Variants in MLLT3 observed in about 807,000 individuals in gnomAD.
MLLT3 encodes the protein protein AF-9.
In MLLT3, 4 loss-of-function variants were observed where a neutral mutation model predicts 53.2. That is an observed-to-expected ratio of 0.08 (90% CI 0.04 to 0.17). The LOEUF is 0.17. MLLT3 is among the 10% of genes least tolerant of loss of function. The pLI is 1.00. For synonymous variants in MLLT3, 283 were observed against 230.6 expected, an observed-to-expected ratio of 1.23 and a Z score of -2.06; for missense variants, 569 against 684.0, an observed-to-expected ratio of 0.83 and a Z score of 1.87.
In MLLT3 at chr9:20,621,108, GT is replaced by G; in HGVS notation, c.13-275del. Reference sequence around the variant, plus strand: ...AATGTTATCCCCAGTCGGGAAGGGGGTCGGGGAAAAGAGGGAGAACACACTC... The same window carrying G: ...AATGTTATCCCCAGTCGGGAAGGGGGCGGGGAAAAGAGGGAGAACACACTC... On this transcript the variant is annotated intron_variant, in intron 1 of 10. Transcript: ENST00000380338. The surrounding 1 kb of genome is among the most constrained non-coding windows in gnomAD (Gnocchi z 7.0). 1 of 583,084 alleles carries G rather than the reference GT, an allele frequency of 1.7e-6. No individual in the cohort carries two copies. The highest frequency in any genetic ancestry group is 3.1e-6 in the Non-Finnish European group (1 of 322,784). 36.1% of individuals were successfully genotyped at this position (583,084 alleles called of 1,614,324 possible).
In MLLT3 at chr9:20,529,518, C is replaced by T. The variant is rs1159226355; in HGVS notation, c.194-72732G>A. On this transcript the variant is annotated intron_variant, in intron 2 of 10. Transcript: ENST00000380338. ...AAATGTCTAGTTCATAAAAAGGAAC[C>T]GCCAGTTAGTTCATTTAATTGACCT... 3.9e-5 allele frequency among the ~76,000 whole-genome samples: 6 copies of T among 151,994 alleles called. No individual in the cohort carries two copies. In the East Asian group the frequency reaches 7.7e-4, roughly 19 times the overall value.
In MLLT3 at chr9:20,569,349, C is replaced by G. The variant is rs150078046; in HGVS notation, c.193+51305G>C. Among the ~76,000 whole-genome samples, 246 of 152,122 alleles carry G rather than the reference C, an allele frequency of 1.6e-3. 2 individuals carry two copies. Among genetic ancestry groups the G allele is most frequent in the African/African-American group, 5.6e-3 (234 of 41,506 alleles). ...AGTAGGCAAAAACTGTTTTCGAGAC[C>G]CAGAAAGCCTCCATGGGTTACTGCA... On this transcript the variant is annotated intron_variant, in intron 2 of 10. Coordinates refer to ENST00000380338, the MANE Select transcript of MLLT3 (RefSeq NM_004529.4).
intron 10 of MLLT3, among the ~76,000 whole-genome samples, chr9:20,351,938 C>A (rs545273404): frequency 6.6e-6 from 1 of 152,214 alleles, no homozygotes; most frequent in African/African-American, 2.4e-5. Context: ...AGCTTTCAAC[C>A]GGCCTGGGAA....
intron 5 of MLLT3, among the ~76,000 whole-genome samples, chr9:20,369,637 C>G (rs1012121026): frequency 1.3e-5 from 2 of 152,122 alleles, no homozygotes; most frequent in Non-Finnish European, 1.5e-5. Context: ...TCATCAAGCC[C>G]AACCAACAGA....
intron 2 of MLLT3, among the ~76,000 whole-genome samples, chr9:20,523,180 CA>C: frequency 6.6e-6 from 1 of 152,300 alleles, no homozygotes; most frequent in East Asian, 1.9e-4. Context: ...TATTTCTACA[CA>C]CCTATTAGAA....
intron 5 of MLLT3, among the ~76,000 whole-genome samples, chr9:20,374,161 T>C (rs890458762): frequency 3.9e-5 from 6 of 152,170 alleles, no homozygotes; most frequent in African/African-American, 1.2e-4. Flanking sequence ...GGCAGGAAGA[T>C]TGTTTGAAGC....
At chr9:20,486,196 A>G (rs917791020) in intron 2 of MLLT3, among the ~76,000 whole-genome samples, 2 of 152,298 alleles carry the variant, frequency 1.3e-5, no homozygotes, top group African/African-American at 2.4e-5. Context: ...ACAAAAACAT[A>G]TAACCAGAAA....
At chr9:20,501,297 A>G (rs1825218445) in intron 2 of MLLT3, among the ~76,000 whole-genome samples, 1 of 152,214 alleles carries the variant, frequency 6.6e-6, no homozygotes, top group South Asian at 2.1e-4. Context: ...CTGAATACAT[A>G]CCAGGCCTTC....
chr9:20,416,468 T>C (rs911850699), intron 4 of MLLT3, among the ~76,000 whole-genome samples: 1 of 152,106 alleles, frequency 6.6e-6, no homozygotes, highest in Non-Finnish European at 1.5e-5. Context: ...CCTTCCATGA[T>C]ATATTTTTAA....
At chr9:20,574,130 C>A (rs916959431) in intron 2 of MLLT3, among the ~76,000 whole-genome samples, 2 of 152,138 alleles carry the variant, frequency 1.3e-5, no homozygotes, top group East Asian at 3.9e-4. Flanking sequence ...TCAGTAAGTT[C>A]AAGATAATGT....
At chr9:20,429,566 A>C (rs1177149474) in intron 4 of MLLT3, among the ~76,000 whole-genome samples, 1 of 152,148 alleles carries the variant, frequency 6.6e-6, no homozygotes, top group African/African-American at 2.4e-5. Flanking sequence ...AAAGGAAAAA[A>C]ATCTAATAGA....
chr9:20,481,149 C>T (rs1423924456), intron 2 of MLLT3, among the ~76,000 whole-genome samples: 2 of 152,150 alleles, frequency 1.3e-5, no homozygotes, highest in East Asian at 3.9e-4. Context: ...TATTGCCAGT[C>T]CCACTAAAGC....
In MLLT3 at chr9:20,448,278, C is replaced by T. The variant is rs373516753; in HGVS notation, c.277-12G>A. ...TTCCTAGGTTCTTCCTGGAGGTTAA[C>T]AAAAATTATGAAAGAAAAAAGAGAG... On this transcript the variant is annotated splice_polypyrimidine_tract_variant and intron_variant, in intron 3 of 10. Coordinates refer to ENST00000380338, the MANE Select transcript of MLLT3 (RefSeq NM_004529.4). The surrounding 1 kb of genome is among the most constrained non-coding windows in gnomAD (Gnocchi z 4.0). 3.1e-6 allele frequency: 5 copies of T among 1,591,696 alleles called. No individual in the cohort carries two copies. Among genetic ancestry groups the T allele is most frequent in the African/African-American group, 2.7e-5 (2 of 73,368 alleles).
chr9:20,469,352 C>T (rs548290515), intron 2 of MLLT3, among the ~76,000 whole-genome samples: 4 of 152,140 alleles, frequency 2.6e-5, no homozygotes, highest in African/African-American at 9.6e-5. Context: ...AGGCATAGCA[C>T]GTTATGTAAA....
intron 2 of MLLT3, among the ~76,000 whole-genome samples, chr9:20,506,275 A>C (rs1825378290): frequency 6.6e-6 from 1 of 152,112 alleles, no homozygotes; most frequent in African/African-American, 2.4e-5. Flanking sequence ...TTCTGAGCTC[A>C]GGAGATCCGC....
intron 2 of MLLT3, among the ~76,000 whole-genome samples, chr9:20,472,159 G>C (rs1206202787): frequency 6.6e-6 from 1 of 151,876 alleles, no homozygotes; most frequent in Non-Finnish European, 1.5e-5. Flanking sequence ...TTGTTTTTAT[G>C]TTAAAACCCA....
At chr9:20,459,353 C>T (rs1399181006) in intron 2 of MLLT3, among the ~76,000 whole-genome samples, 2 of 152,154 alleles carry the variant, frequency 1.3e-5, no homozygotes, top group Non-Finnish European at 2.9e-5. Flanking sequence ...ATTCACTGAC[C>T]ACCTGTCAAC....
intron 3 of MLLT3, 24 bp downstream of exon 3, chr9:20,456,680 G>C: frequency 1.3e-6 from 2 of 1,531,986 alleles, no homozygotes; most frequent in Non-Finnish European, 1.8e-6. Context: ...TCTACTGAAA[G>C]ATTAATGGGT....
intron 2 of MLLT3, among the ~76,000 whole-genome samples, chr9:20,545,669 G>A (rs746870404): frequency 2.8e-4 from 42 of 151,978 alleles, no homozygotes; most frequent in Admixed American, 1.6e-3. Context: ...ATCTTTAACC[G>A]TATTAGATTT....
Sources: gnomAD v4.1 joint callset for allele counts (sites outside exome capture counted in the v4.1 genomes callset) on GRCh38, gnomAD v4.1.1 for gene constraint, Gnocchi (gnomAD v3.1) non-coding constraint, MANE v1.5 for transcripts, NCBI Gene and HGNC (gene_info 2026-07-23, HGNC 2026-07-21) for gene names.